The following TNNT2 variants were observed in gnomAD, a reference collection of about 807,000 sequenced individuals.
TNNT2 encodes troponin T2, cardiac type, also known as troponin T, cardiac muscle.
In TNNT2, 34 loss-of-function variants were observed where a neutral mutation model predicts 62.4. The ratio of observed to expected loss-of-function variants is 0.54; its 90% confidence interval spans 0.41 to 0.72. The LOEUF (loss-of-function observed/expected upper bound fraction) is 0.72. Ranked by LOEUF, TNNT2 falls within the 30% of genes least tolerant of loss-of-function variation. TNNT2 has a pLI of 0.00. For synonymous variants in TNNT2, 123 were observed against 127.2 expected (o/e 0.97, Z 0.22); for missense variants, 275 against 381.9 (o/e 0.72, Z 2.33).
chr1:201,367,910 G>T, intron 6 of TNNT2, 104 bp from the exon 7 acceptor site: 2 of 1,395,804 alleles, frequency 1.4e-6, no homozygotes, highest in South Asian at 1.2e-5. Context: ...TAGCCAAGAT[G>T]CACTCTGTTG....
intron 8 of TNNT2, chr1:201,366,082 G>A (rs1659604677): frequency 8.7e-7 from 1 of 1,143,898 alleles, no homozygotes; most frequent in African/African-American, 1.6e-5. Context: ...GAGTCTTGCA[G>A]TTTGGTCCTG....
intron 1 of TNNT2, among the ~76,000 whole-genome samples, chr1:201,377,422 C>G (rs924489157): frequency 2.6e-5 from 4 of 152,156 alleles, no homozygotes; most frequent in Admixed American, 2.6e-4. Flanking sequence ...ATGGGATTCT[C>G]TCTTTCTCTC....
intron 4 of TNNT2, among the ~76,000 whole-genome samples, chr1:201,371,143 C>T (rs964172093): frequency 6.6e-6 from 1 of 152,108 alleles, no homozygotes; most frequent in African/African-American, 2.4e-5. Context: ...TCATAGAGAC[C>T]CTTCTCCTAA....
Position 201,365,669 on chromosome 1 carries a change from A to T in TNNT2, c.235T>A (p.Ser79Thr), listed in dbSNP as rs1298762072. 1.2e-6 allele frequency: 2 copies of T among 1,613,720 alleles called. No individual in the cohort carries two copies. The highest frequency in any genetic ancestry group is 1.7e-6 in the Non-Finnish European group (2 of 1,179,876). ...PMEESKPKPR[S>T]FMPNLVPPKI... ...GGAGGCACCAAGTTGGGCATGAACG[A>T]CCTGTTGGAGAGAGGAATAGTCAGC... The change falls in exon 9 of 17, where the codon TCG becomes ACG. Residue 79 changes from serine (S) to threonine (T), a missense_variant and splice_region_variant. Ser to Thr is a moderately conservative substitution (Grantham distance 58, BLOSUM62 1). Coordinates refer to ENST00000656932, the MANE Select transcript of TNNT2 (RefSeq NM_001276345.2).
Position 201,359,170 on chromosome 1 carries a change from T to C in TNNT2, c.*40A>G. The C allele has an allele frequency of 6.3e-7, 1 of 1,595,982 alleles. No homozygotes were observed. The highest frequency in any genetic ancestry group is 8.5e-7 in the Non-Finnish European group (1 of 1,172,544). On this transcript the variant is annotated 3_prime_UTR_variant, in exon 17 of 17. Transcript: ENST00000656932. ...TGGGGGAGTGCAGGCCGGAGGCAGG[T>C]GCGAGCGAGGAGCAGATCTTTGGTG...
chr1:201,368,641 A>G (rs923124728), intron 5 of TNNT2, among the ~76,000 whole-genome samples: 1 of 152,156 alleles, frequency 6.6e-6, no homozygotes, highest in African/African-American at 2.4e-5. Flanking sequence ...TGGATGGCAC[A>G]CTCAATATCT....
chr1:201,359,291 C>T (rs1658146162), intron 16 of TNNT2, 36 bp from the exon 17 acceptor site: 1 of 1,604,906 alleles, frequency 6.2e-7, no homozygotes, highest in Non-Finnish European at 8.5e-7. Context: ...CATGGAGACA[C>T]AGGCAGGGTA....
rs575894778 is a variant in TNNT2 at position 201,365,916 on chromosome 1, T to C, written c.234-246A>G. 3 of 1,348,066 alleles carry C rather than the reference T, an allele frequency of 2.2e-6. No individual in the cohort carries two copies. The South Asian group carries it at 4.6e-5, about 21-fold the overall frequency. 83.5% of individuals were successfully genotyped at this position (1,348,066 alleles called of 1,614,324 possible). ...GCTCATGATATGCCCATGAAGTGGGTACCGTTAATCTCACTTAGGAGAACT... is the reference window on the plus strand; with the variant it reads ...GCTCATGATATGCCCATGAAGTGGGCACCGTTAATCTCACTTAGGAGAACT... On this transcript the variant is annotated intron_variant, in intron 8 of 16. Transcript: ENST00000656932.
chr1:201,359,528 G>A (rs1658198598), intron 16 of TNNT2, 95 bp downstream of exon 16: 3 of 1,305,990 alleles, frequency 2.3e-6, no homozygotes, highest in Admixed American at 2.0e-5. Flanking sequence ...GAAGGGCTGG[G>A]AGCCTGGGGC....
chr1:201,359,696 G>T (rs2275863), intron 15 of TNNT2, 33 bp from the exon 16 acceptor site: 5 of 1,570,140 alleles, frequency 3.2e-6, no homozygotes, highest in Non-Finnish European at 3.5e-6. Flanking sequence ...AAAGAGCAAC[G>T]CTGGAGCTGA....
At chr1:201,369,222 T>G (rs989317839) in intron 5 of TNNT2, 10 of 462,592 alleles carry the variant, frequency 2.2e-5, no homozygotes, top group Admixed American at 1.9e-4. Flanking sequence ...TACTGCATCT[T>G]GAGATATAGC....
intron 4 of TNNT2, among the ~76,000 whole-genome samples, chr1:201,370,257 C>T (rs980419087): frequency 6.6e-6 from 1 of 152,178 alleles, no homozygotes; most frequent in Non-Finnish European, 1.5e-5. Context: ...AATTCTCTTC[C>T]ATCAAATTTC....
chr1:201,372,944 G>A, intron 2 of TNNT2: 1 of 625,034 alleles, frequency 1.6e-6, no homozygotes, highest in East Asian at 3.2e-5. Flanking sequence ...CTCTGTTCAT[G>A]GCCCCTAGCC....
At chr1:201,363,503 T>C (rs1659089339) in intron 11 of TNNT2, 97 bp from the exon 12 acceptor site, 3 of 1,147,096 alleles carry the variant, frequency 2.6e-6, no homozygotes, top group African/African-American at 1.5e-5. Flanking sequence ...TGAGTTCAGC[T>C]TTCTCTCCGC....
At chr1:201,372,245 C>T in intron 2 of TNNT2, 90 bp from the exon 3 acceptor site, 1 of 1,582,546 alleles carries the variant, frequency 6.3e-7, no homozygotes, top group Non-Finnish European at 8.7e-7. Context: ...CTGGCCTTTC[C>T]CCAAAGATAA....
intron 4 of TNNT2, among the ~76,000 whole-genome samples, 182 bp from the exon 5 acceptor site, chr1:201,370,027 C>G (rs1160078242): frequency 6.6e-6 from 1 of 152,170 alleles, no homozygotes; most frequent in Non-Finnish European, 1.5e-5. Context: ...CTCTCAGTTA[C>G]TTCCCTGAGC....
At chr1:201,362,453 A>T (rs2102238411) in intron 12 of TNNT2, 59 bp from the exon 13 acceptor site, 1 of 1,591,114 alleles carries the variant, frequency 6.3e-7, no homozygotes, top group South Asian at 1.1e-5. Flanking sequence ...GGCAACAGAG[A>T]CACAGAGAGA....
chr1:201,365,339 C>T, intron 9 of TNNT2, 32 bp from the exon 10 acceptor site: 2 of 1,576,986 alleles, frequency 1.3e-6, no homozygotes, highest in Middle Eastern at 1.7e-4. Context: ...TCAGAGGCTG[C>T]CACTCCAAAG....
intron 10 of TNNT2, among the ~76,000 whole-genome samples, chr1:201,364,937 G>T (rs760589452): frequency 6.6e-6 from 1 of 152,140 alleles, no homozygotes; most frequent in Non-Finnish European, 1.5e-5. Context: ...CCTGGGGGAG[G>T]CCTGAAACAG....
Sources: allele counts gnomAD v4.1 joint callset (sites outside exome capture counted in the v4.1 genomes callset), GRCh38; gene constraint gnomAD v4.1.1; transcripts MANE v1.5; gene names NCBI Gene and HGNC (gene_info 2026-07-23, HGNC 2026-07-21).